ALK: variants seen among roughly 807,000 people sequenced by gnomAD.
ALK encodes the protein ALK receptor tyrosine kinase, also known as ALK tyrosine kinase receptor.
Under a neutral mutation model 163.1 loss-of-function variants are expected in ALK, and 74 were observed. The ratio of observed to expected loss-of-function variants is 0.45; its 90% confidence interval spans 0.38 to 0.55. The LOEUF (loss-of-function observed/expected upper bound fraction) is 0.55, where lower values mean the gene tolerates loss of function less well. ALK is among the 20% of genes least tolerant of loss of function. The probability of loss-of-function intolerance (pLI) is 0.00; values close to 1 mark genes in which losing one functional copy is unlikely to be tolerated. For missense variants in ALK, 2,063 were observed against 2,105.3 expected, an observed-to-expected ratio of 0.98 and a Z score of 0.39; for synonymous variants, 960 against 843.2, an observed-to-expected ratio of 1.14 and a Z score of -2.40.
At chr2:29,706,837 A>C (rs979313497) in intron 2 of ALK, among the ~76,000 whole-genome samples, 4 of 152,226 alleles carry the variant, frequency 2.6e-5, no homozygotes, top group Admixed American at 2.0e-4. Flanking sequence ...TGGGAAAATT[A>C]AGGCTCAGAA....
At chr2:29,530,650 C>G (rs968570102) in intron 4 of ALK, among the ~76,000 whole-genome samples, 6 of 152,196 alleles carry the variant, frequency 3.9e-5, no homozygotes, top group African/African-American at 1.4e-4. Context: ...AGAAGTCTTC[C>G]CATCCAGGCT....
At chr2:29,548,492 A>C (rs1673622804) in intron 3 of ALK, among the ~76,000 whole-genome samples, 1 of 151,462 alleles carries the variant, frequency 6.6e-6, no homozygotes, top group South Asian at 2.1e-4. Context: ...AAAAAGAGTT[A>C]AGTCACTAAT....
At chr2:29,198,674 C>G (rs1359821802) in intron 26 of ALK, among the ~76,000 whole-genome samples, 1 of 152,286 alleles carries the variant, frequency 6.6e-6, no homozygotes, top group South Asian at 2.1e-4. Context: ...GACACACTCA[C>G]CAGCATTGAG....
rs2148179007 is a variant in ALK at position 29,227,163 on chromosome 2, G to A, written c.2915-89C>T. Reference sequence around the variant, plus strand: ...CTATGTCTCCAGGTGGTCACTGTGGGTGCTCTGGTGGTCCCTGTTCCTAGG... The same window carrying A: ...CTATGTCTCCAGGTGGTCACTGTGGATGCTCTGGTGGTCCCTGTTCCTAGG... On this transcript the variant is annotated intron_variant, in intron 17 of 28. Transcript: ENST00000389048. This position sits in a 1 kb window ranked among gnomAD's most constrained non-coding sequence, Gnocchi z 4.4. 2.6e-6 allele frequency: 4 copies of A among 1,560,934 alleles called. No individual in the cohort carries two copies. Among genetic ancestry groups the A allele is most frequent in the African/African-American group, 1.4e-5 (1 of 73,948 alleles).
At chr2:29,484,562 A>G (rs535521714) in intron 4 of ALK, among the ~76,000 whole-genome samples, 1 of 152,326 alleles carries the variant, frequency 6.6e-6, no homozygotes, top group African/African-American at 2.4e-5. Context: ...GATACCCTAA[A>G]TCATTTCTTG....
chr2:29,386,428 A>G (rs1669032879), intron 4 of ALK, among the ~76,000 whole-genome samples: 1 of 152,228 alleles, frequency 6.6e-6, no homozygotes, highest in African/African-American at 2.4e-5. Context: ...AAGAACATGT[A>G]AACAAGTGGT....
At chr2:29,561,807 T>G (rs1294454938) in intron 3 of ALK, among the ~76,000 whole-genome samples, 1 of 152,142 alleles carries the variant, frequency 6.6e-6, no homozygotes, top group Admixed American at 6.5e-5. Context: ...TGGCTCCCCA[T>G]GAAAATGACC....
chr2:29,472,099 G>A (rs753919991), intron 4 of ALK, among the ~76,000 whole-genome samples: 4 of 152,138 alleles, frequency 2.6e-5, no homozygotes, highest in Non-Finnish European at 4.4e-5. Flanking sequence ...CTTGCAGGAC[G>A]GTCACCCTGG....
chr2:29,399,039 A>G (rs753979544), intron 4 of ALK, among the ~76,000 whole-genome samples: 6 of 152,292 alleles, frequency 3.9e-5, no homozygotes, highest in Non-Finnish European at 4.4e-5. Flanking sequence ...AAACCTGCCA[A>G]TGATGTCATC....
chr2:29,294,159 A>G (rs916086366), intron 9 of ALK, among the ~76,000 whole-genome samples: 1 of 152,068 alleles, frequency 6.6e-6, no homozygotes, highest in African/African-American at 2.4e-5. Flanking sequence ...TCTTTTATCC[A>G]TCCTATTTTT....
chr2:29,779,468 T>C lies in ALK; in HGVS notation c.668-61771A>G, dbSNP rs555537940. Among the ~76,000 whole-genome samples the C allele has an allele frequency of 2.0e-5, 3 of 152,242 alleles. No homozygotes were observed. The South Asian group carries it at 6.2e-4, about 32-fold the overall frequency. On this transcript the variant is annotated intron_variant, in intron 1 of 28. Transcript: ENST00000389048. ...AGGGGGCTTTAGAAAAGTAGCTTCA[T>C]TTGGGGATTAAATGGGGTCTCCTGA... is the stretch of plus-strand genomic sequence containing the variant.
At chr2:29,873,936 C>A (rs551167084) in intron 1 of ALK, among the ~76,000 whole-genome samples, 27 of 152,176 alleles carry the variant, frequency 1.8e-4, no homozygotes, top group Non-Finnish European at 2.8e-4. Context: ...TCCATGGGAA[C>A]CTGGTTTGTA....
At chr2:29,890,732 C>T (rs1667121457) in intron 1 of ALK, 1 of 152,216 alleles carries the variant, frequency 6.6e-6, no homozygotes, top group Admixed American at 6.5e-5. Flanking sequence ...ACTTAATCAG[C>T]TGTGTCCCCC....
At chr2:29,853,790 TCC>T (rs201626276) in intron 1 of ALK, among the ~76,000 whole-genome samples, 9,431 of 152,096 alleles carry the variant, frequency 0.062, 416 homozygotes, top group East Asian at 0.16. Context: ...CTCCTCTCCC[TCC>T]CTCCTCTTCT....
chr2:29,757,597 G>GTA (rs1012067943), intron 1 of ALK, among the ~76,000 whole-genome samples: 6 of 151,300 alleles, frequency 4.0e-5, no homozygotes, highest in African/African-American at 1.2e-4. Flanking sequence ...GTTTGTTTGT[G>GTA]TGTGTGTGTG....
chr2:29,631,641 T>C (rs930086684), intron 3 of ALK, among the ~76,000 whole-genome samples: 6 of 152,268 alleles, frequency 3.9e-5, no homozygotes, highest in Non-Finnish European at 7.3e-5. Context: ...GTACCTGCCC[T>C]GTGCAATTCA....
rs546579631 is a variant in ALK, at chr2:29,477,101, C to T, written c.1154+54814G>A. Among the ~76,000 whole-genome samples the T allele has an allele frequency of 7.9e-5, 12 of 152,154 alleles. No individual in the cohort carries two copies. In the South Asian group the frequency reaches 8.3e-4, roughly 11 times the overall value. On this transcript the variant is annotated intron_variant, in intron 4 of 28. Transcript: ENST00000389048. ...GGTGTGCAAAGGAAGAAGTGAACCA[C>T]GAGGGAGAGTTGAGCTGAGCAGTGC...
chr2:29,344,965 G>A (rs968007936), intron 5 of ALK, among the ~76,000 whole-genome samples: 1 of 152,230 alleles, frequency 6.6e-6, no homozygotes, highest in Non-Finnish European at 1.5e-5. Context: ...GCTGTGTGAA[G>A]TGATGGTCAG....
intron 3 of ALK, among the ~76,000 whole-genome samples, chr2:29,575,117 G>T (rs1223931741): frequency 2.0e-5 from 3 of 152,086 alleles, no homozygotes; most frequent in African/African-American, 4.8e-5. Flanking sequence ...GATTCATGAA[G>T]TGGCCTCTCT....
Sources: gnomAD v4.1 joint callset for allele counts (sites outside exome capture counted in the v4.1 genomes callset) on GRCh38, gnomAD v4.1.1 for gene constraint, Gnocchi (gnomAD v3.1) non-coding constraint, MANE v1.5 for transcripts, NCBI Gene and HGNC (gene_info 2026-07-23, HGNC 2026-07-21) for gene names.